Variants in GDF6 observed in about 807,000 individuals in gnomAD.
GDF6 encodes growth/differentiation factor 6.
GDF6 carries 3 observed loss-of-function variants against 32.4 expected under a neutral mutation model. The ratio of observed to expected loss-of-function variants is 0.09; its 90% CI spans 0.04 to 0.24. GDF6 has a LOEUF of 0.24. Ranked by LOEUF, GDF6 falls within the 10% of genes least tolerant of loss-of-function variation. The probability of loss-of-function intolerance (pLI) is 1.00; values close to 1 mark genes in which losing one functional copy is unlikely to be tolerated. For synonymous variants in GDF6, 296 were observed against 295.3 expected, an observed-to-expected ratio of 1.00 and a Z score of -0.03; for missense variants, 589 against 637.9, an observed-to-expected ratio of 0.92 and a Z score of 0.83.
At chr8:96,154,505 C>T (rs1156939316) in intron 1 of GDF6, among the ~76,000 whole-genome samples, 1 of 151,106 alleles carries the variant, frequency 6.6e-6, no homozygotes, top group African/African-American at 2.5e-5. Context: ...AAATAAACAG[C>T]CAGGCCTTGG....
At chr8:96,160,229 G>C in intron 1 of GDF6, 58 bp downstream of exon 1, 1 of 1,561,020 alleles carries the variant, frequency 6.4e-7, no homozygotes, top group Non-Finnish European at 8.8e-7. Context: ...AGCGGGAACA[G>C]CTCCCTGGCT....
chr8:96,150,792 G>A (rs1812555814), intron 1 of GDF6, among the ~76,000 whole-genome samples: 1 of 152,258 alleles, frequency 6.6e-6, no homozygotes, highest in East Asian at 1.9e-4. Flanking sequence ...CAGGAAATAG[G>A]ACATAGCTTC....
intron 1 of GDF6, among the ~76,000 whole-genome samples, chr8:96,147,186 G>C (rs528470920): frequency 2.6e-5 from 4 of 151,598 alleles, no homozygotes; most frequent in South Asian, 4.1e-4. Context: ...GTTTGTACTC[G>C]GGGCTGACCG....
At chr8:96,155,419 G>A (rs1484998163) in intron 1 of GDF6, among the ~76,000 whole-genome samples, 1 of 152,200 alleles carries the variant, frequency 6.6e-6, no homozygotes, top group Non-Finnish European at 1.5e-5. Flanking sequence ...TTGGTCTGTG[G>A]CCTTAAACGT....
rs1812460243 is a variant in GDF6 at position 96,145,364 on chromosome 8, G to C, written c.567C>G (p.Phe189Leu). 1 of 1,559,396 alleles carries C rather than the reference G, an allele frequency of 6.4e-7. No homozygotes were observed. The highest frequency in any genetic ancestry group is 8.6e-7 in the Non-Finnish European group (1 of 1,159,760). Residue 189 changes from phenylalanine (F) to leucine (L), a missense_variant, in exon 2 of 2, where the codon TTC becomes TTG. This residue lies in a region of GDF6 where 436 missense variants were observed against 411.2 expected (regional missense o/e 1.06). Transcript: ENST00000287020. The surrounding 1 kb of genome is among the most constrained non-coding windows in gnomAD (Gnocchi z 5.6). ...CCAGCAGTAGGGGCGAAAGGCAAGG[G>C]AAGAGCTGCACGTGGAGCGGCCCGG... is the stretch of plus-strand genomic sequence containing the variant. Reference protein sequence around the residue: ...PPAGPLHVQLFPCLSPLLLDA... With the variant: ...PPAGPLHVQLLPCLSPLLLDA...
chr8:96,156,397 TCTC>T (rs1812664827), intron 1 of GDF6, among the ~76,000 whole-genome samples: 7 of 149,174 alleles, frequency 4.7e-5, no homozygotes, highest in African/African-American at 1.8e-4. Context: ...TCTCTCTCTC[TCTC>T]TCTCTTTCCC....
At chr8:96,158,937 G>C (rs1427730865) in intron 1 of GDF6, among the ~76,000 whole-genome samples, 1 of 151,102 alleles carries the variant, frequency 6.6e-6, no homozygotes, top group Non-Finnish European at 1.5e-5. Context: ...CTCGAGCAAG[G>C]AACGCGACTA....
chr8:96,153,809 G>A (rs1197408824), intron 1 of GDF6, among the ~76,000 whole-genome samples: 2 of 152,152 alleles, frequency 1.3e-5, no homozygotes, highest in African/African-American at 4.8e-5. Flanking sequence ...GGGGTCCTGC[G>A]CAGGAGAAAC....
intron 1 of GDF6, among the ~76,000 whole-genome samples, chr8:96,153,747 G>C (rs752422646): frequency 8.5e-5 from 13 of 152,160 alleles, no homozygotes; most frequent in Non-Finnish European, 1.6e-4. Context: ...AGGTGGGGGC[G>C]AGGGTTCAAA....
In GDF6 at chr8:96,144,291, A is replaced by G. The variant is rs866215806; in HGVS notation, c.*272T>C. On this transcript the variant is annotated 3_prime_UTR_variant, in exon 2 of 2. Coordinates refer to ENST00000287020, the MANE Select transcript of GDF6 (RefSeq NM_001001557.4). This position sits in a 1 kb window ranked among gnomAD's most constrained non-coding sequence, Gnocchi z 5.1. ...GAGAGAGAGAGAGAGAGAGAGAGAGAAAACAGAACAAAAGAAATCCTCCTT... is the reference window on the plus strand; with the variant it reads ...GAGAGAGAGAGAGAGAGAGAGAGAGGAAACAGAACAAAAGAAATCCTCCTT... 1 of 486,184 alleles carries G rather than the reference A, an allele frequency of 2.1e-6. No individual in the cohort carries two copies. The highest frequency in any genetic ancestry group is 3.7e-6 in the Non-Finnish European group (1 of 272,224). The allele number at this position is 486,184 out of a possible 1,614,324, so 30.1% of individuals were successfully genotyped here.
Position 96,144,843 on chromosome 8 carries a change from A to C in GDF6, c.1088T>G (p.Phe363Cys). The change falls in exon 2 of 2, where the codon TTC becomes TGC. Residue 363 changes from phenylalanine (F) to cysteine (C), a missense_variant. Coordinates refer to ENST00000287020, the MANE Select transcript of GDF6 (RefSeq NM_001001557.4). The surrounding 1 kb of genome is among the most constrained non-coding windows in gnomAD (Gnocchi z 5.1). Reference protein sequence around the residue: ...RCSKKPLHVNFKELGWDDWII... With the variant: ...RCSKKPLHVNCKELGWDDWII... ...CCAGTCGTCCCAGCCCAGCTCCTTG[A>C]AGTTCACGTGCAGGGGCTTCTTGCT... is the stretch of plus-strand genomic sequence containing the variant. 3 of 1,614,016 alleles carry C rather than the reference A, an allele frequency of 1.9e-6. No individual in the cohort carries two copies. The highest frequency in any genetic ancestry group is 2.5e-6 in the Non-Finnish European group (3 of 1,179,972).
At position 96,145,186 on chromosome 8, in the gene GDF6, C is replaced by A. The variant is rs1238090781; in HGVS notation, c.745G>T (p.Ala249Ser). 8.0e-6 allele frequency: 12 copies of A among 1,497,484 alleles called. No homozygotes were observed. The South Asian group carries it at 1.0e-4, about 13-fold the overall frequency. The allele number at this position is 1,497,484 out of a possible 1,614,324, so 92.8% of individuals were successfully genotyped here. A position where few individuals can be genotyped will look rare whatever the true frequency, so the allele number is the denominator to read the frequency against. ...ELDAGEAEAR[A>S]RGPQQPPPPD... ...GGCGGCGGTTGCTGGGGTCCCCGCGCGCGCGCCTCGGCCTCCCCGGCGTCC... is the reference window on the plus strand; with the variant it reads ...GGCGGCGGTTGCTGGGGTCCCCGCGAGCGCGCCTCGGCCTCCCCGGCGTCC... Residue 249 changes from alanine to serine, a missense_variant, in exon 2 of 2, where the codon GCG becomes TCG. Physicochemically the swap from Ala to Ser is moderately conservative, Grantham distance 99. This residue lies in a region of GDF6 where 436 missense variants were observed against 411.2 expected (regional missense o/e 1.06). Coordinates refer to ENST00000287020, the MANE Select transcript of GDF6 (RefSeq NM_001001557.4). This position sits in a 1 kb window ranked among gnomAD's most constrained non-coding sequence, Gnocchi z 5.6.
In GDF6 at chr8:96,144,925, T is replaced by C. The variant is rs1403852868; in HGVS notation, c.1006A>G (p.Thr336Ala). Reference protein sequence around the residue: ...LPSPGRRRRRTAFASRHGKRH... With the variant: ...LPSPGRRRRRAAFASRHGKRH... ...TTGCCATGGCGACTGGCGAAGGCCGTGCGCCGCCGCCGGCGGCCGGGCGAG... is the reference window on the plus strand; with the variant it reads ...TTGCCATGGCGACTGGCGAAGGCCGCGCGCCGCCGCCGGCGGCCGGGCGAG... The change falls in exon 2 of 2, where the codon ACG (threonine) becomes GCG (alanine). Residue 336 changes from threonine (T) to alanine (A), a missense_variant. Around this residue, in one of 2 missense-constraint regions of GDF6, gnomAD observed 153 missense variants for 226.7 expected, o/e 0.67. Transcript: ENST00000287020. The surrounding 1 kb of genome is among the most constrained non-coding windows in gnomAD (Gnocchi z 5.1). 6.2e-7 allele frequency: 1 copy of C among 1,600,544 alleles called. No individual in the cohort carries two copies. The highest frequency in any genetic ancestry group is 8.5e-7 in the Non-Finnish European group (1 of 1,174,122).
chr8:96,145,055 C>G lies in GDF6; in HGVS notation c.876G>C (p.Glu292Asp), dbSNP rs1401531865. The G allele has an allele frequency of 8.7e-6, 13 of 1,490,334 alleles. No individual in the cohort carries two copies. The highest frequency in any genetic ancestry group is 1.2e-5 in the Non-Finnish European group (13 of 1,127,552). The allele number at this position is 1,490,334 out of a possible 1,614,324, so 92.3% of individuals were successfully genotyped here. The change falls in exon 2 of 2, where the codon GAG becomes GAC. Residue 292 changes from glutamate (E) to aspartate (D), a missense_variant. By Grantham distance (45) the Glu-to-Asp change is conservative. Coordinates refer to ENST00000287020, the MANE Select transcript of GDF6 (RefSeq NM_001001557.4). This position sits in a 1 kb window ranked among gnomAD's most constrained non-coding sequence, Gnocchi z 5.6. ...CGGCCGAGCCCAGCTGCTCGCGCAT[C>G]TCTGCGAACAGGTTCTTGCGCTGGG... ...TRSQRKNLFA[E>D]MREQLGSAEA...
At chr8:96,146,320 G>A (rs1387105164) in intron 1 of GDF6, among the ~76,000 whole-genome samples, 1 of 147,946 alleles carries the variant, frequency 6.8e-6, no homozygotes, top group Non-Finnish European at 1.5e-5. Flanking sequence ...CTGGCCATGG[G>A]GTTTTTGTTT....
Position 96,142,545 on chromosome 8 carries a change from A to G in GDF6, c.*2018T>C, listed in dbSNP as rs1812390306. 1 of 152,682 alleles carries G rather than the reference A, an allele frequency of 6.5e-6. No individual in the cohort carries two copies. The highest frequency in any genetic ancestry group is 1.5e-5 in the Non-Finnish European group (1 of 68,052). The allele number at this position is 152,682 out of a possible 1,614,324, so 9.5% of individuals were successfully genotyped here. A position where few individuals can be genotyped will look rare whatever the true frequency, so the allele number is the denominator to read the frequency against. On this transcript the variant is annotated 3_prime_UTR_variant, in exon 2 of 2. Coordinates refer to ENST00000287020, the MANE Select transcript of GDF6 (RefSeq NM_001001557.4). ...ATTTAAGAAAATGGTAACATTATGA[A>G]AAAATGAAATATCTGATTAATGCTT...
At chr8:96,159,173 A>C (rs1354486081) in intron 1 of GDF6, among the ~76,000 whole-genome samples, 1 of 152,162 alleles carries the variant, frequency 6.6e-6, no homozygotes, top group Non-Finnish European at 1.5e-5. Flanking sequence ...GGAGGAGTGG[A>C]TATCTGCCTA....
At chr8:96,156,986 C>A (rs1812675809) in intron 1 of GDF6, among the ~76,000 whole-genome samples, 1 of 152,188 alleles carries the variant, frequency 6.6e-6, no homozygotes, top group Non-Finnish European at 1.5e-5. Context: ...GCTGTGTGAC[C>A]TCGAGCAACT....
chr8:96,157,019 T>C (rs1812676195), intron 1 of GDF6, among the ~76,000 whole-genome samples: 1 of 152,232 alleles, frequency 6.6e-6, no homozygotes, highest in African/African-American at 2.4e-5. Flanking sequence ...CTGTCTTCTT[T>C]ACTTCACCTG....
Sources: gnomAD v4.1 joint callset for allele counts (sites outside exome capture counted in the v4.1 genomes callset) on GRCh38, gnomAD v4.1.1 for gene constraint, gnomAD v4.1.1 regional missense constraint, Gnocchi (gnomAD v3.1) non-coding constraint, MANE v1.5 for transcripts, NCBI Gene and HGNC (gene_info 2026-07-23, HGNC 2026-07-21) for gene names.